The following SPECC1L variants were observed in gnomAD, a reference collection of about 807,000 sequenced individuals.
SPECC1L encodes the protein sperm antigen with calponin homology and coiled-coil domains 1 like.
A neutral mutation model predicts 116.8 loss-of-function variants in SPECC1L; 40 were observed. The ratio of observed to expected loss-of-function variants is 0.34; its 90% CI spans 0.27 to 0.45. The LOEUF (loss-of-function observed/expected upper bound fraction) is 0.45, where lower values mean the gene tolerates loss of function less well. Ranked by LOEUF, SPECC1L falls within the 20% of genes least tolerant of loss-of-function variation. The probability of loss-of-function intolerance (pLI) is 1.00; values close to 1 mark genes in which losing one functional copy is unlikely to be tolerated. For synonymous variants in SPECC1L, 504 were observed against 500.6 expected (o/e 1.01, Z -0.09); for missense variants, 1,110 against 1,373.6 (o/e 0.81, Z 3.03).
intron 11 of SPECC1L, among the ~76,000 whole-genome samples, chr22:24,357,030 A>AT (rs773473592): frequency 2.3e-5 from 3 of 130,462 alleles, no homozygotes; most frequent in Admixed American, 7.7e-5. Flanking sequence ...AACTGGGGGA[A>AT]TGGGGGTGAT....
At chr22:24,296,902 C>T (rs1380426176) in intron 2 of SPECC1L, among the ~76,000 whole-genome samples, 7 of 151,264 alleles carry the variant, frequency 4.6e-5, no homozygotes, top group African/African-American at 1.7e-4. Context: ...GGTGACAGTT[C>T]TGTAAAATAG....
intron 11 of SPECC1L, among the ~76,000 whole-genome samples, chr22:24,360,997 G>A (rs750413693): frequency 6.7e-6 from 1 of 149,682 alleles, no homozygotes; most frequent in Non-Finnish European, 1.5e-5. Context: ...AACACTGTAG[G>A]GACTCTTTAA....
At chr22:24,311,166 C>T (rs564672200) in intron 3 of SPECC1L, among the ~76,000 whole-genome samples, 5 of 152,206 alleles carry the variant, frequency 3.3e-5, no homozygotes, top group Admixed American at 6.5e-5. Flanking sequence ...GATTTGGTGC[C>T]GTTATGTGTA....
At chr22:24,319,915 C>T (rs2040686364) in intron 4 of SPECC1L, among the ~76,000 whole-genome samples, 1 of 151,888 alleles carries the variant, frequency 6.6e-6, no homozygotes, top group South Asian at 2.1e-4. Flanking sequence ...TTTGTTATTT[C>T]TTAAGTATTT....
intron 4 of SPECC1L, 140 bp downstream of exon 4, chr22:24,313,606 C>CG: frequency 1.1e-6 from 1 of 941,832 alleles, no homozygotes; most frequent in Non-Finnish European, 1.7e-6. Context: ...CAGCCCAATA[C>CG]GCTCATCACC....
chr22:24,305,284 A>G (rs555342403), intron 3 of SPECC1L, among the ~76,000 whole-genome samples: 1 of 152,372 alleles, frequency 6.6e-6, no homozygotes, highest in Admixed American at 6.5e-5. Flanking sequence ...TTCAAGAAAC[A>G]GAACATATGT....
chr22:24,313,510 T>C (rs1335223447), intron 4 of SPECC1L, 44 bp downstream of exon 4: 1 of 1,603,064 alleles, frequency 6.2e-7, no homozygotes, highest in Admixed American at 1.7e-5. Context: ...CTTTTTTGTT[T>C]GAATGGGCAT....
At chr22:24,271,160 G>A (rs1007149498) in intron 1 of SPECC1L, among the ~76,000 whole-genome samples, 177 bp downstream of exon 1, 9 of 152,242 alleles carry the variant, frequency 5.9e-5, no homozygotes, top group Admixed American at 6.5e-5. Flanking sequence ...CCCTTCCCGC[G>A]CCGTCCTCGT....
intron 4 of SPECC1L, among the ~76,000 whole-genome samples, chr22:24,319,491 G>T (rs904255989): frequency 6.6e-6 from 1 of 152,134 alleles, no homozygotes; most frequent in Non-Finnish European, 1.5e-5. Flanking sequence ...GATTTGGGTG[G>T]GGACACAGCC....
At chr22:24,402,660 G>A (rs146926618) in intron 14 of SPECC1L, among the ~76,000 whole-genome samples, 1 of 152,172 alleles carries the variant, frequency 6.6e-6, no homozygotes, top group African/African-American at 2.4e-5. Flanking sequence ...TGGGGACAGC[G>A]CTCTGCACGG....
intron 8 of SPECC1L, among the ~76,000 whole-genome samples, chr22:24,331,416 A>G (rs946738191): frequency 6.6e-6 from 1 of 152,234 alleles, no homozygotes; most frequent in Non-Finnish European, 1.5e-5. Context: ...CTAGTATAAA[A>G]CATGTATTAC....
chr22:24,391,317 A>G (rs2042270914), intron 14 of SPECC1L, among the ~76,000 whole-genome samples: 1 of 152,208 alleles, frequency 6.6e-6, no homozygotes, highest in South Asian at 2.1e-4. Context: ...TCCCAGAATC[A>G]CAGTGTACTT....
At position 24,334,533 on chromosome 22, in the gene SPECC1L, A is replaced by G. The variant is rs759453909; in HGVS notation, c.2520A>G (p.Thr840=). ...CGACTTCCTCAGAGCCAACTCCTAC[A>G]GTAAAAACCCTCATCAAGTCCTTTG... ...RSSTSSEPTP[T]VKTLIKSFDS... is the part of the protein sequence containing the mutation. The change falls in exon 9 of 17, where the codon ACA becomes ACG. Residue 840 remains threonine (T), a synonymous_variant. Transcript: ENST00000314328. 6.2e-7 allele frequency: 1 copy of G among 1,614,192 alleles called. No homozygotes were observed. The highest frequency in any genetic ancestry group is 8.5e-7 in the Non-Finnish European group (1 of 1,180,030).
At chr22:24,273,651 T>G (rs1172703175) in intron 1 of SPECC1L, among the ~76,000 whole-genome samples, 1 of 152,204 alleles carries the variant, frequency 6.6e-6, no homozygotes, top group Non-Finnish European at 1.5e-5. Flanking sequence ...ATGAGTTTAT[T>G]TTGAGATCAT....
intron 10 of SPECC1L, among the ~76,000 whole-genome samples, chr22:24,340,685 A>G (rs908911295): frequency 1.3e-5 from 2 of 152,190 alleles, no homozygotes; most frequent in African/African-American, 4.8e-5. Context: ...AGCTACATTC[A>G]GTAGCTTTTT....
At chr22:24,360,851 C>G (rs2041629496) in intron 11 of SPECC1L, among the ~76,000 whole-genome samples, 2 of 151,988 alleles carry the variant, frequency 1.3e-5, no homozygotes, top group Admixed American at 1.3e-4. Flanking sequence ...GTTCTTTTGC[C>G]TTTGTTTTGT....
rs562701285 is a variant in SPECC1L, at chr22:24,334,723, A to G, written c.2560+150A>G. ...AATGCACTAGACTTAACAGAAGGTG[A>G]TATTTAATAGAAGGTTTGAGATCTC... On this transcript the variant is annotated intron_variant, in intron 9 of 16. Transcript: ENST00000314328. The G allele has an allele frequency of 1.3e-4, 111 of 876,860 alleles. 2 individuals are homozygous for G. The Middle Eastern group carries it at 1.3e-3, about 10-fold the overall frequency. 54.3% of individuals were successfully genotyped at this position (876,860 alleles called of 1,614,324 possible).
At chr22:24,282,305 C>G (rs1325554502) in intron 2 of SPECC1L, among the ~76,000 whole-genome samples, 1 of 152,206 alleles carries the variant, frequency 6.6e-6, no homozygotes, top group African/African-American at 2.4e-5. Flanking sequence ...CCTACGAAGG[C>G]AGTCTGGTGC....
Position 24,334,844 on chromosome 22 carries a change from T to C in SPECC1L, c.2560+271T>C, listed in dbSNP as rs1207613328. Among the ~76,000 whole-genome samples the C allele has an allele frequency of 2.0e-5, 3 of 152,206 alleles. No individual in the cohort carries two copies. The East Asian group carries it at 5.8e-4, about 29-fold the overall frequency. On this transcript the variant is annotated intron_variant, in intron 9 of 16. Coordinates refer to ENST00000314328, the MANE Select transcript of SPECC1L (RefSeq NM_015330.6). The stretch of plus-strand genomic sequence containing the variant: ...GTGGATCACACACATTCCTGTTACT[T>C]TAAGTATGTTTTCTATGCCTGAGAA...
Sources: allele counts gnomAD v4.1 joint callset (sites outside exome capture counted in the v4.1 genomes callset), GRCh38; gene constraint gnomAD v4.1.1; transcripts MANE v1.5; gene names NCBI Gene and HGNC (gene_info 2026-07-23, HGNC 2026-07-21).